The following DNER variants were observed in gnomAD, a reference collection of about 807,000 sequenced individuals.
The protein encoded by DNER is delta/notch like EGF repeat containing.
DNER carries 33 observed loss-of-function variants against 78.2 expected under a neutral mutation model. The observed-to-expected ratio is 0.42, with a 90% CI of 0.32 to 0.56. The LOEUF (loss-of-function observed/expected upper bound fraction) is 0.56, where lower values mean the gene tolerates loss of function less well. Among genes scored for constraint, DNER ranks in the 20% least tolerant of loss-of-function variants. The pLI is 0.11. For missense variants in DNER, 918 were observed against 975.3 expected (o/e 0.94, Z 0.78); for synonymous variants, 417 against 384.8 (o/e 1.08, Z -0.98).
intron 1 of DNER, among the ~76,000 whole-genome samples, chr2:229,603,098 T>C (rs968951537): frequency 6.6e-6 from 1 of 152,180 alleles, no homozygotes; most frequent in African/African-American, 2.4e-5. Flanking sequence ...TAGAGTCTTT[T>C]CAATAAACTG....
chr2:229,558,966 G>A (rs565409953), intron 4 of DNER, among the ~76,000 whole-genome samples: 1 of 152,144 alleles, frequency 6.6e-6, no homozygotes, highest in Non-Finnish European at 1.5e-5. Flanking sequence ...AGAGTTTTAA[G>A]CAGGGGAATA....
At chr2:229,713,691 C>T (rs1470751411) in intron 1 of DNER, among the ~76,000 whole-genome samples, 3 of 152,242 alleles carry the variant, frequency 2.0e-5, no homozygotes, top group Non-Finnish European at 4.4e-5. Flanking sequence ...CACCTGCCTC[C>T]CACACCGCAC....
intron 7 of DNER, among the ~76,000 whole-genome samples, chr2:229,464,247 G>GA (rs1694758614): frequency 1.3e-5 from 2 of 152,150 alleles, no homozygotes; most frequent in Non-Finnish European, 2.9e-5. Flanking sequence ...GAATATCTGG[G>GA]AAAATCAATT....
chr2:229,358,431 G>T lies in DNER; in HGVS notation c.*109C>A. ...AAAATTAGTTCTTAAATATTCTACT[G>T]AAAACTCTTGAGCAGCTAGCATTTT... On this transcript the variant is annotated 3_prime_UTR_variant, in exon 13 of 13. Coordinates refer to ENST00000341772, the MANE Select transcript of DNER (RefSeq NM_139072.4). 1 of 891,048 alleles carries T rather than the reference G, an allele frequency of 1.1e-6. No individual in the cohort carries two copies. Among genetic ancestry groups the T allele is most frequent in the Non-Finnish European group, 1.6e-6 (1 of 623,410 alleles). 55.2% of individuals were successfully genotyped at this position (891,048 alleles called of 1,614,324 possible).
intron 1 of DNER, among the ~76,000 whole-genome samples, chr2:229,623,401 C>T (rs1698284671): frequency 6.6e-6 from 1 of 152,170 alleles, no homozygotes; most frequent in East Asian, 1.9e-4. Flanking sequence ...CTCCCCCTCC[C>T]ATCAGCAGGA....
At chr2:229,409,096 C>T (rs1045275833) in intron 9 of DNER, among the ~76,000 whole-genome samples, 19 of 152,320 alleles carry the variant, frequency 1.2e-4, no homozygotes, top group African/African-American at 4.6e-4. Context: ...TTAAGATTAG[C>T]ATAAATCTGG....
intron 1 of DNER, among the ~76,000 whole-genome samples, chr2:229,671,981 T>C (rs888928639): frequency 6.6e-6 from 1 of 152,216 alleles, no homozygotes; most frequent in African/African-American, 2.4e-5. Flanking sequence ...TTTGCCAAAA[T>C]GTATCATTGA....
intron 6 of DNER, among the ~76,000 whole-genome samples, chr2:229,491,835 T>C (rs1284334155): frequency 3.3e-5 from 5 of 152,146 alleles, no homozygotes; most frequent in Admixed American, 2.0e-4. Context: ...TCTGCTGAGA[T>C]GGCTGATTAA....
chr2:229,633,639 A>G (rs1240196886), intron 1 of DNER, among the ~76,000 whole-genome samples: 2 of 152,270 alleles, frequency 1.3e-5, no homozygotes, highest in Non-Finnish European at 2.9e-5. Context: ...CTAGTCAGGC[A>G]GGCTGGAACA....
rs141125901 is a variant in DNER at position 229,367,001 on chromosome 2, G to C, written c.1974C>G (p.Ile658Met). ...TGCGGCTGATGCGGCAAATCCCCACGATCAGGATGATCAGCATAAGGATGA... is the reference window on the plus strand; with the variant it reads ...TGCGGCTGATGCGGCAAATCCCCACCATCAGGATGATCAGCATAAGGATGA... Reference protein sequence around the residue: ...VAFILMLIILIVGICRISRIE... With the variant: ...VAFILMLIILMVGICRISRIE... The change falls in exon 12 of 13, where the codon ATC becomes ATG. Residue 658 changes from isoleucine (I) to methionine (M), a missense_variant. Physicochemically the swap from Ile to Met is conservative, Grantham distance 10. Coordinates refer to ENST00000341772, the MANE Select transcript of DNER (RefSeq NM_139072.4). 2.5e-6 allele frequency: 4 copies of C among 1,614,032 alleles called. No homozygotes were observed. The highest frequency in any genetic ancestry group is 2.2e-5 in the East Asian group (1 of 44,848).
chr2:229,471,221 A>C (rs905110164), intron 7 of DNER, among the ~76,000 whole-genome samples: 2 of 152,132 alleles, frequency 1.3e-5, no homozygotes, highest in Non-Finnish European at 2.9e-5. Context: ...TAAACAATAC[A>C]CATTATCTGA....
chr2:229,442,733 C>T (rs1694262716), intron 8 of DNER, among the ~76,000 whole-genome samples: 1 of 152,074 alleles, frequency 6.6e-6, no homozygotes, highest in Non-Finnish European at 1.5e-5. Flanking sequence ...GATCCTGTTT[C>T]CAGCAAATAT....
chr2:229,575,376 A>G (rs1303022827), intron 4 of DNER, among the ~76,000 whole-genome samples: 1 of 152,240 alleles, frequency 6.6e-6, no homozygotes, highest in Non-Finnish European at 1.5e-5. Flanking sequence ...GAAGCATCTT[A>G]GTAACTCATG....
At chr2:229,640,233 A>G (rs541845755) in intron 1 of DNER, among the ~76,000 whole-genome samples, 8 of 152,350 alleles carry the variant, frequency 5.3e-5, no homozygotes, top group African/African-American at 1.9e-4. Context: ...TTTCAGCTCT[A>G]TCGTGGCAGG....
At chr2:229,516,638 T>A (rs1317289364) in intron 5 of DNER, among the ~76,000 whole-genome samples, 2 of 151,912 alleles carry the variant, frequency 1.3e-5, no homozygotes. Flanking sequence ...TGAAACTTTC[T>A]CAGTCAGTCA....
At chr2:229,366,849 C>T in intron 12 of DNER, 24 bp downstream of exon 12, 3 of 1,613,144 alleles carry the variant, frequency 1.9e-6, no homozygotes, top group Non-Finnish European at 8.5e-7. Context: ...AGGCAGCATT[C>T]CCCACGCCGC....
At chr2:229,440,342 T>C (rs1265964156) in intron 8 of DNER, among the ~76,000 whole-genome samples, 2 of 152,166 alleles carry the variant, frequency 1.3e-5, no homozygotes, top group African/African-American at 4.8e-5. Flanking sequence ...GGACGTCTAG[T>C]GGAGCCTGAC....
At position 229,707,164 on chromosome 2, in the gene DNER, C is replaced by T. The variant is rs1214983648; in HGVS notation, c.276+6984G>A. On this transcript the variant is annotated intron_variant, in intron 1 of 12. Transcript: ENST00000341772. Reference sequence around the variant, plus strand: ...GAGTAGCTGAGACTACAGGCATGTGCCACCACGGCTGGCTAATTTTTTTTT... The same window carrying T: ...GAGTAGCTGAGACTACAGGCATGTGTCACCACGGCTGGCTAATTTTTTTTT... Among the ~76,000 whole-genome samples the T allele has an allele frequency of 2.7e-5, 4 of 149,540 alleles. No individual in the cohort carries two copies. The East Asian group carries it at 6.0e-4, about 22-fold the overall frequency.
intron 6 of DNER, among the ~76,000 whole-genome samples, chr2:229,498,367 T>C (rs1043165671): frequency 1.3e-5 from 2 of 152,112 alleles, no homozygotes; most frequent in East Asian, 1.9e-4. Flanking sequence ...AGATCAGGAA[T>C]GAGTGGCCCA....
Sources: allele counts gnomAD v4.1 joint callset (sites outside exome capture counted in the v4.1 genomes callset), GRCh38; gene constraint gnomAD v4.1.1; transcripts MANE v1.5; gene names NCBI Gene and HGNC (gene_info 2026-07-23, HGNC 2026-07-21).